ZNF185: variants seen among roughly 807,000 people sequenced by gnomAD.
The protein encoded by ZNF185 is zinc finger protein 185.
Under a neutral mutation model 58.6 loss-of-function variants are expected in ZNF185, and 56 were observed. The observed-to-expected ratio is 0.95, with a 90% CI of 0.77 to 1.19. ZNF185 has a LOEUF of 1.19. Ranked by LOEUF, ZNF185 falls within the 50% of genes most tolerant of loss-of-function variation. The probability of loss-of-function intolerance (pLI) is 0.00; values close to 1 mark genes in which losing one functional copy is unlikely to be tolerated. For missense variants in ZNF185, 627 were observed against 573.5 expected (o/e 1.09, Z -0.95); for synonymous variants, 230 against 215.9 (o/e 1.07, Z -0.57).
rs782595596 is a variant in ZNF185 at position 152,915,011 on chromosome X, T to A, written c.159-127T>A. ...GTCACAGGGTGGGAGAGCCCCTGGGTGCCTGGGAAGGAGAATGTGTGGCAG... is the reference window on the plus strand; with the variant it reads ...GTCACAGGGTGGGAGAGCCCCTGGGAGCCTGGGAAGGAGAATGTGTGGCAG... On this transcript the variant is annotated intron_variant, in intron 2 of 22. Transcript: ENST00000449285. 100 of 1,006,662 alleles carry A rather than the reference T, an allele frequency of 9.9e-5. No individual in the cohort carries two copies. In the African/African-American group the frequency reaches 1.8e-3, roughly 18 times the overall value. 83.0% of individuals were successfully genotyped at this position (1,006,662 alleles called of 1,213,427 possible). A position where few individuals can be genotyped will look rare whatever the true frequency, so the allele number is the denominator to read the frequency against.
intron 13 of ZNF185, among the ~76,000 whole-genome samples, chrX:152,932,642 A>G (rs1470407698): frequency 8.9e-6 from 1 of 111,753 alleles, no homozygotes; most frequent in Non-Finnish European, 1.9e-5. Flanking sequence ...CCAACGAACT[A>G]ACCTCCTCCT....
chrX:152,969,135 C>T (rs1332989389), intron 20 of ZNF185, among the ~76,000 whole-genome samples: 2 of 112,165 alleles, frequency 1.8e-5, no homozygotes, highest in Non-Finnish European at 3.8e-5. Context: ...AGGACATCTA[C>T]AGGAGACATG....
At chrX:152,932,939 G>A (rs781909272) in exon 14 of ZNF185, 1 of 1,202,198 alleles carries the variant, frequency 8.3e-7, no homozygotes, top group African/African-American at 1.7e-5. Context: ...CTGAAGGCTT[G>A]GCTGCAGTAG....
the ZNF185 span, among the ~76,000 whole-genome samples, chrX:152,909,018 C>T: frequency 8.8e-6 from 1 of 113,137 alleles, no homozygotes; most frequent in Non-Finnish European, 1.9e-5. Context: ...GGAGCCCAGG[C>T]CACTGTCCCA....
chrX:152,936,292 A>T lies in ZNF185; in HGVS notation c.1122-1782A>T, dbSNP rs782326379. 265 of 524,969 alleles carry T rather than the reference A, an allele frequency of 5.0e-4. 1 individual carries two copies. The highest frequency in any genetic ancestry group is 6.7e-4 in the Non-Finnish European group (218 of 323,119). 43.3% of individuals were successfully genotyped at this position (524,969 alleles called of 1,213,427 possible). On this transcript the variant is annotated intron_variant, in intron 14 of 22. Coordinates refer to ENST00000449285, the Ensembl canonical transcript of ZNF185. ...CCTTGAGATATAAATATTGTTCCTC[A>T]AGCATCCATTTGAGCAGCTTCTTGG...
chrX:152,966,977 C>T lies in ZNF185; in HGVS notation c.1800-190C>T, dbSNP rs782639612. 7.2e-5 allele frequency among the ~76,000 whole-genome samples: 8 copies of T among 111,329 alleles called. No homozygotes were observed. The South Asian group carries it at 1.9e-3, about 27-fold the overall frequency. On this transcript the variant is annotated intron_variant, in intron 19 of 22. Transcript: ENST00000449285. ...CTCAGGAATCCTAGCCACCCAGCCC[C>T]GATCATCTCCCTCATTGTGAAAGGT...
upstream of ZNF185, among the ~76,000 whole-genome samples, chrX:152,909,764 G>A (rs1936854010): frequency 8.9e-6 from 1 of 112,762 alleles, no homozygotes; most frequent in Admixed American, 9.3e-5. Flanking sequence ...GCACAGCACA[G>A]CTGGGCCCCA....
chrX:152,958,901 G>C (rs2049144641), intron 16 of ZNF185, among the ~76,000 whole-genome samples: 1 of 112,535 alleles, frequency 8.9e-6, no homozygotes, highest in South Asian at 3.6e-4. Context: ...GCACAGGCCG[G>C]GGTGCGGCCG....
chrX:152,922,051 C>T (rs1939824910), intron 9 of ZNF185, 122 bp from the exon 11 acceptor site: 2 of 717,975 alleles, frequency 2.8e-6, no homozygotes, highest in Non-Finnish European at 4.2e-6. Flanking sequence ...CCTGGGCCAC[C>T]TCTTGGCCGT....
At chrX:152,922,199 C>T in exon 10 of ZNF185, 1 of 1,196,180 alleles carries the variant, frequency 8.4e-7, no homozygotes, top group Non-Finnish European at 1.1e-6. Flanking sequence ...GAGGACGGGC[C>T]TTCTGAGAAG....
intron 17 of ZNF185, among the ~76,000 whole-genome samples, chrX:152,963,241 C>G (rs187714091): frequency 6.2e-5 from 7 of 112,916 alleles, no homozygotes; most frequent in Non-Finnish European, 1.1e-4. Flanking sequence ...TTTGGGCTGC[C>G]GAGGAGGTTG....
chrX:152,922,757 T>C (rs781824939), exon 11 of ZNF185: 1 of 1,201,445 alleles, frequency 8.3e-7, no homozygotes, highest in East Asian at 3.0e-5. Flanking sequence ...TCGGGCAATT[T>C]GGATCGAGTG....
intron 16 of ZNF185, among the ~76,000 whole-genome samples, chrX:152,952,563 G>A (rs1449573001): frequency 1.8e-5 from 2 of 111,877 alleles, no homozygotes; most frequent in African/African-American, 6.5e-5. Context: ...CAGGGGGCCT[G>A]AAGCTCTACT....
chrX:152,967,263 G>A, intron 20 of ZNF185, 25 bp downstream of exon 22: 1 of 1,187,272 alleles, frequency 8.4e-7, no homozygotes, highest in Non-Finnish European at 1.1e-6. Context: ...TTAGCACGGA[G>A]CTTGCACTTC....
chrX:152,934,897 C>T (rs180972248), intron 14 of ZNF185, among the ~76,000 whole-genome samples: 6 of 112,069 alleles, frequency 5.4e-5, no homozygotes, highest in Admixed American at 2.8e-4. Flanking sequence ...GATCACAGCT[C>T]ACAGCAGCCT....
chrX:152,935,298 C>T (rs950648130), intron 14 of ZNF185, among the ~76,000 whole-genome samples: 7 of 103,202 alleles, frequency 6.8e-5, no homozygotes, highest in African/African-American at 1.8e-4. Context: ...TGCACTGGTG[C>T]GATCTCGGCT....
Position 152,941,830 on chromosome X carries a change from C to T in ZNF185, c.1212-3437C>T, listed in dbSNP as rs1469962363. On this transcript the variant is annotated intron_variant, in intron 15 of 22. Coordinates refer to ENST00000449285, the Ensembl canonical transcript of ZNF185. ...GAGGAGCTGGCTGCCCCTTCCCCCG[C>T]GTAAGGTCTGAAGCCGCGGCCAGAG... is the stretch of plus-strand genomic sequence containing the variant. 6.5e-5 allele frequency: 75 copies of T among 1,154,347 alleles called. No homozygotes were observed. The Middle Eastern group carries it at 7.7e-4, about 12-fold the overall frequency.
chrX:152,914,557 G>A, intron 1 of ZNF185, 34 bp downstream of exon 2: 2 of 1,153,405 alleles, frequency 1.7e-6, no homozygotes, highest in Non-Finnish European at 2.3e-6. Flanking sequence ...CCCAGGCTCT[G>A]TTTGGGGCTG....
At chrX:152,916,970 CA>C (rs1340300103) in intron 3 of ZNF185, among the ~76,000 whole-genome samples, 160 bp from the exon 5 acceptor site, 1 of 112,654 alleles carries the variant, frequency 8.9e-6, no homozygotes, top group Non-Finnish European at 1.9e-5. Flanking sequence ...GGCACCTGAT[CA>C]GGGGCACAGG....
Sources: gnomAD v4.1 joint callset for allele counts (sites outside exome capture counted in the v4.1 genomes callset) on GRCh38, gnomAD v4.1.1 for gene constraint, MANE v1.5 for transcripts, NCBI Gene and HGNC (gene_info 2026-07-23, HGNC 2026-07-21) for gene names.